SMG7: variants seen among roughly 807,000 people sequenced by gnomAD.
SMG7 encodes the protein SMG7 nonsense mediated mRNA decay factor.
A neutral mutation model predicts 148.2 loss-of-function variants in SMG7; 34 were observed. The observed-to-expected ratio is 0.23, with a 90% CI of 0.17 to 0.31. The LOEUF is 0.31. SMG7 is among the 10% of genes least tolerant of loss of function. The probability of loss-of-function intolerance (pLI) is 1.00; values close to 1 mark genes in which losing one functional copy is unlikely to be tolerated. For missense variants in SMG7, 1,114 were observed against 1,408.4 expected (o/e 0.79, Z 3.35); for synonymous variants, 492 against 515.1 (o/e 0.96, Z 0.61).
At chr1:183,532,352 A>G (rs749298404) in intron 8 of SMG7, among the ~76,000 whole-genome samples, 2 of 152,174 alleles carry the variant, frequency 1.3e-5, no homozygotes, top group Non-Finnish European at 2.9e-5. Flanking sequence ...GAAACTAGGA[A>G]CTTCTGTTAG....
chr1:183,494,475 ATC>A (rs746174778), intron 1 of SMG7, among the ~76,000 whole-genome samples: 5 of 150,358 alleles, frequency 3.3e-5, no homozygotes, highest in Non-Finnish European at 7.4e-5. Flanking sequence ...GGCACTCGTC[ATC>A]TCTTTGTTTA....
Position 183,551,775 on chromosome 1 carries a change from T to C in SMG7, c.3451-43T>C, listed in dbSNP as rs765231953. 3 of 1,476,856 alleles carry C rather than the reference T, an allele frequency of 2.0e-6. No individual in the cohort carries two copies. In the South Asian group the frequency reaches 4.0e-5, roughly 20 times the overall value. The allele number at this position is 1,476,856 out of a possible 1,614,324, so 91.5% of individuals were successfully genotyped here. ...GATTGAAAAATCCCTTTCAGACAACTTGGCATTTGACCTCTGCTGACAAGA... is the reference window on the plus strand; with the variant it reads ...GATTGAAAAATCCCTTTCAGACAACCTGGCATTTGACCTCTGCTGACAAGA... On this transcript the variant is annotated intron_variant, in intron 22 of 22. Coordinates refer to ENST00000688051, the MANE Select transcript of SMG7 (RefSeq NM_001375584.1).
intron 4 of SMG7, among the ~76,000 whole-genome samples, chr1:183,519,685 C>A (rs1664327376): frequency 6.6e-6 from 1 of 152,046 alleles, no homozygotes; most frequent in Admixed American, 6.5e-5. Context: ...GATAAATTGC[C>A]ACTTTAATAT....
At position 183,546,287 on chromosome 1, in the gene SMG7, C is replaced by T; in HGVS notation, c.2692C>T (p.Pro898Ser). ...CATAGACCGCAGGGGCAAACGGTCA[C>T]CAGGAGTCTTCCGTCCAGAGCAGGA... ...ANIDRRGKRS[P>S]GVFRPEQDPV... Residue 898 changes from proline (P) to serine (S), a missense_variant, in exon 17 of 23, where the codon CCA becomes TCA. Coordinates refer to ENST00000688051, the MANE Select transcript of SMG7 (RefSeq NM_001375584.1). 1.9e-6 allele frequency: 3 copies of T among 1,613,994 alleles called. No individual in the cohort carries two copies. The highest frequency in any genetic ancestry group is 2.5e-6 in the Non-Finnish European group (3 of 1,179,950).
chr1:183,526,558 T>C, intron 4 of SMG7, 38 bp from the exon 5 acceptor site: 2 of 1,440,622 alleles, frequency 1.4e-6, no homozygotes, highest in Non-Finnish European at 1.9e-6. Flanking sequence ...TTAGAGCACT[T>C]GTGACTTACT....
At position 183,553,085 on chromosome 1, in the gene SMG7, A is replaced by G. The variant is rs759496876; in HGVS notation, c.*1154A>G. ...AGGGCCCAGGCCCCTGCCCAGCTGC[A>G]GTCTCCCAGCCTCCACTTTCAGAGT... is the stretch of plus-strand genomic sequence containing the variant. On this transcript the variant is annotated 3_prime_UTR_variant, in exon 23 of 23. Transcript: ENST00000688051. 19 of 1,536,248 alleles carry G rather than the reference A, an allele frequency of 1.2e-5. No homozygotes were observed. The highest frequency in any genetic ancestry group is 1.6e-5 in the Non-Finnish European group (18 of 1,146,924).
At chr1:183,497,822 G>T (rs1359872043) in intron 1 of SMG7, among the ~76,000 whole-genome samples, 1 of 151,930 alleles carries the variant, frequency 6.6e-6, no homozygotes, top group African/African-American at 2.4e-5. Context: ...CACCTGCCTC[G>T]GCCTCCCAAA....
chr1:183,553,295 A>G lies in SMG7; in HGVS notation c.*1364A>G. 1.6e-6 allele frequency: 2 copies of G among 1,248,182 alleles called. No individual in the cohort carries two copies. The highest frequency in any genetic ancestry group is 2.2e-6 in the Non-Finnish European group (2 of 920,310). The allele number at this position is 1,248,182 out of a possible 1,614,324, so 77.3% of individuals were successfully genotyped here. ...GCATTTCTGTTAGTCATTTCCTGGA[A>G]AAGTAATATTTTAAGGGGAAATTAT... On this transcript the variant is annotated 3_prime_UTR_variant, in exon 23 of 23. Transcript: ENST00000688051.
At chr1:183,548,018 A>T (rs937817795) in intron 18 of SMG7, among the ~76,000 whole-genome samples, 8 of 152,238 alleles carry the variant, frequency 5.3e-5, no homozygotes, top group Admixed American at 5.2e-4. Flanking sequence ...TTAATAAAAC[A>T]TAAAAAGATA....
intron 15 of SMG7, 84 bp downstream of exon 15, chr1:183,544,581 G>A: frequency 7.0e-7 from 1 of 1,436,266 alleles, no homozygotes; most frequent in South Asian, 1.2e-5. Flanking sequence ...GTTTTCTGTT[G>A]GAGTAATGTT....
chr1:183,550,941 G>T lies in SMG7; in HGVS notation c.3304+20G>T, dbSNP rs760349117. On this transcript the variant is annotated intron_variant, in intron 21 of 22. Coordinates refer to ENST00000688051, the MANE Select transcript of SMG7 (RefSeq NM_001375584.1). The stretch of plus-strand genomic sequence containing the variant: ...AGCCAGGTGAGATCTACATTTCATT[G>T]CCAGGCAAAATTGAAAGAATTTACT... 1 of 1,613,988 alleles carries T rather than the reference G, an allele frequency of 6.2e-7. No homozygotes were observed. The highest frequency in any genetic ancestry group is 1.1e-5 in the South Asian group (1 of 91,082).
chr1:183,499,106 T>G (rs1399603889), intron 1 of SMG7, among the ~76,000 whole-genome samples: 1 of 152,238 alleles, frequency 6.6e-6, no homozygotes, highest in Admixed American at 6.5e-5. Flanking sequence ...AATAATAATC[T>G]GTTGTCTGGA....
chr1:183,528,820 G>A (rs1666363897), intron 6 of SMG7, 72 bp from the exon 7 acceptor site: 2 of 1,309,760 alleles, frequency 1.5e-6, no homozygotes, highest in Non-Finnish European at 2.1e-6. Context: ...TTTAAACACT[G>A]ATCATTTGTA....
At position 183,553,993 on chromosome 1, in the gene SMG7, G is replaced by T. The variant is rs969519821; in HGVS notation, c.*2062G>T. ...GAATGTTTTCTGACTCTTGGGGCGG[G>T]ATTCCTCGCCTTATCATCCTCACTG... On this transcript the variant is annotated 3_prime_UTR_variant, in exon 23 of 23. Coordinates refer to ENST00000688051, the MANE Select transcript of SMG7 (RefSeq NM_001375584.1). The T allele has an allele frequency of 6.6e-6, 1 of 152,620 alleles. No homozygotes were observed. The highest frequency in any genetic ancestry group is 2.4e-5 in the African/African-American group (1 of 41,460). The allele number at this position is 152,620 out of a possible 1,614,324, so 9.5% of individuals were successfully genotyped here.
In SMG7 at chr1:183,521,852, T is replaced by G. The variant is rs1292456607; in HGVS notation, c.312+4032T>G. ...CCTGCCTGGGTGACAGAGTGAGACCTTGTCTCAAAAAAAAAAAAAAAAGAA... is the reference window on the plus strand; with the variant it reads ...CCTGCCTGGGTGACAGAGTGAGACCGTGTCTCAAAAAAAAAAAAAAAAGAA... On this transcript the variant is annotated intron_variant, in intron 4 of 22. Coordinates refer to ENST00000688051, the MANE Select transcript of SMG7 (RefSeq NM_001375584.1). Among the ~76,000 whole-genome samples the G allele has an allele frequency of 1.3e-4, 15 of 119,156 alleles. No individual in the cohort carries two copies. In the Admixed American group the frequency reaches 1.3e-3, roughly 11 times the overall value. The allele number at this position is 119,156 out of a possible 152,430, so 78.2% of individuals were successfully genotyped here.
intron 1 of SMG7, among the ~76,000 whole-genome samples, chr1:183,506,460 G>A (rs1660910384): frequency 6.6e-6 from 1 of 152,172 alleles, no homozygotes; most frequent in Admixed American, 6.5e-5. Context: ...CTTGATGTGT[G>A]TGTGGGTGTA....
chr1:183,508,524 T>C (rs1319676387), intron 1 of SMG7, among the ~76,000 whole-genome samples: 1 of 152,158 alleles, frequency 6.6e-6, no homozygotes, highest in African/African-American at 2.4e-5. Context: ...AATAATGATA[T>C]AGCCAATTTT....
chr1:183,535,223 G>A (rs537923740), intron 10 of SMG7, among the ~76,000 whole-genome samples: 6 of 152,188 alleles, frequency 3.9e-5, no homozygotes, highest in African/African-American at 1.2e-4. Flanking sequence ...TATTTTCATT[G>A]TGTTTTGTTT....
intron 11 of SMG7, among the ~76,000 whole-genome samples, chr1:183,537,642 C>A (rs565117467): frequency 6.6e-6 from 1 of 152,184 alleles, no homozygotes; most frequent in Non-Finnish European, 1.5e-5. Context: ...CTTTTTCTTA[C>A]GTGTGTACAC....
Sources: allele counts gnomAD v4.1 joint callset (sites outside exome capture counted in the v4.1 genomes callset), GRCh38; gene constraint gnomAD v4.1.1; transcripts MANE v1.5; gene names NCBI Gene and HGNC (gene_info 2026-07-23, HGNC 2026-07-21).